ME1: variants seen among roughly 807,000 people sequenced by gnomAD.
The protein encoded by ME1 is malic enzyme 1, also known as NADP-dependent malic enzyme.
ME1 carries 74 observed loss-of-function variants against 66.4 expected under a neutral mutation model. The observed-to-expected ratio is 1.11, with a 90% CI of 0.92 to 1.35. The LOEUF (loss-of-function observed/expected upper bound fraction) is 1.35. ME1 is among the 40% of genes most tolerant of loss of function. ME1 has a pLI of 0.00. For synonymous variants in ME1, 251 were observed against 235.6 expected (o/e 1.07, Z -0.60); for missense variants, 750 against 694.1 (o/e 1.08, Z -0.90).
At chr6:83,306,767 T>C (rs1040529182) in intron 6 of ME1, among the ~76,000 whole-genome samples, 8 of 152,110 alleles carry the variant, frequency 5.3e-5, no homozygotes, top group Non-Finnish European at 1.0e-4. Context: ...AAATATAATA[T>C]GGGATAGTCA....
At chr6:83,313,457 T>C (rs1304191435) in intron 6 of ME1, among the ~76,000 whole-genome samples, 1 of 152,190 alleles carries the variant, frequency 6.6e-6, no homozygotes, top group Admixed American at 6.5e-5. Context: ...TGTTCGTATC[T>C]CATTTTTTCC....
chr6:83,287,615 C>T lies in ME1; in HGVS notation c.704+27695G>A, dbSNP rs1018645795. 4.6e-5 allele frequency among the ~76,000 whole-genome samples: 7 copies of T among 152,120 alleles called. No individual in the cohort carries two copies. The South Asian group carries it at 6.2e-4, about 14-fold the overall frequency. ...TGTGAATAGTGCAGCAATAAACATA[C>T]GTGTGCATGTGTCTTTATCGTAGAA... is the stretch of plus-strand genomic sequence containing the variant. On this transcript the variant is annotated intron_variant, in intron 6 of 13. Transcript: ENST00000369705.
intron 9 of ME1, among the ~76,000 whole-genome samples, chr6:83,229,803 TAAA>T (rs1408393477): frequency 6.6e-6 from 1 of 152,158 alleles, no homozygotes. Flanking sequence ...TTTCTTTCTT[TAAA>T]GGGTATTATC....
Position 83,329,388 on chromosome 6 carries a change from C to T in ME1, c.601-13975G>A, listed in dbSNP as rs141460764. Among the ~76,000 whole-genome samples the T allele has an allele frequency of 7.1e-3, 1,088 of 152,186 alleles. 9 individuals are homozygous for T. Among genetic ancestry groups the T allele is most frequent in the African/African-American group, 0.024 (1,014 of 41,510 alleles). ...CAAAGGAATATATGATGAAAGCTTT[C>T]GTGTCAATAGACAAACATCTGTACT... On this transcript the variant is annotated intron_variant, in intron 5 of 13. Coordinates refer to ENST00000369705, the MANE Select transcript of ME1 (RefSeq NM_002395.6).
intron 3 of ME1, among the ~76,000 whole-genome samples, chr6:83,362,598 G>C (rs947897810): frequency 6.6e-6 from 1 of 152,244 alleles, no homozygotes. Context: ...GCCAGCAGCA[G>C]AGACCAACAC....
chr6:83,264,765 G>A (rs1766958109), intron 6 of ME1, among the ~76,000 whole-genome samples: 2 of 152,198 alleles, frequency 1.3e-5, no homozygotes, highest in Non-Finnish European at 2.9e-5. Context: ...GAATGGCTGA[G>A]GAATTGCTTT....
chr6:83,227,290 A>C, intron 11 of ME1, 45 bp downstream of exon 11: 1 of 1,368,778 alleles, frequency 7.3e-7, no homozygotes, highest in Non-Finnish European at 9.7e-7. Context: ...CCCTATAATG[A>C]ATAAAAATTT....
intron 5 of ME1, among the ~76,000 whole-genome samples, chr6:83,343,903 A>G (rs1475867299): frequency 6.6e-6 from 1 of 152,138 alleles, no homozygotes; most frequent in Non-Finnish European, 1.5e-5. Context: ...TTCATATAAT[A>G]CATATCTATC....
At chr6:83,245,623 G>T (rs1479998613) in intron 7 of ME1, among the ~76,000 whole-genome samples, 1 of 152,122 alleles carries the variant, frequency 6.6e-6, no homozygotes, top group Non-Finnish European at 1.5e-5. Context: ...GGTCAGGCTG[G>T]TCTTGAACTC....
intron 1 of ME1, 94 bp downstream of exon 1, chr6:83,430,783 C>T: frequency 1.8e-6 from 2 of 1,127,666 alleles, no homozygotes; most frequent in South Asian, 1.4e-5. Context: ...AGGGGAGCGG[C>T]GGAGGGGCGA....
At chr6:83,257,712 A>G (rs1451480457) in intron 6 of ME1, among the ~76,000 whole-genome samples, 1 of 152,218 alleles carries the variant, frequency 6.6e-6, no homozygotes, top group Non-Finnish European at 1.5e-5. Context: ...ACATTTTTAT[A>G]ACCTAGCAGA....
chr6:83,281,806 CAAAAAAAAAAAA>C (rs140157932), intron 6 of ME1, among the ~76,000 whole-genome samples: 19 of 13,286 alleles, frequency 1.4e-3, no homozygotes, highest in African/African-American at 2.6e-3. Flanking sequence ...ACTCTGTCTC[CAAAAAAAAAAAA>C]AAAAAAAAAA....
intron 9 of ME1, among the ~76,000 whole-genome samples, chr6:83,234,308 T>G (rs1790356126): frequency 6.6e-6 from 1 of 152,178 alleles, no homozygotes; most frequent in South Asian, 2.1e-4. Flanking sequence ...GCTCCTACTA[T>G]TCCTACTATT....
chr6:83,328,951 T>C (rs768724663), intron 5 of ME1, among the ~76,000 whole-genome samples: 10 of 152,114 alleles, frequency 6.6e-5, no homozygotes, highest in Non-Finnish European at 1.2e-4. Context: ...TTGGTAATTA[T>C]ACTAATGATC....
At chr6:83,230,706 C>T (rs1467764810) in intron 9 of ME1, among the ~76,000 whole-genome samples, 1 of 151,934 alleles carries the variant, frequency 6.6e-6, no homozygotes, top group Non-Finnish European at 1.5e-5. Context: ...CTGAGGCGGG[C>T]GGATCACGAG....
Position 83,315,776 on chromosome 6 carries a change from A to G in ME1, c.601-363T>C, listed in dbSNP as rs182607600. ...GCTGGGTGTGGTGGTGTGCATCTGT[A>G]GTCCCAGCTATTTGGGAGCCTGAAG... On this transcript the variant is annotated intron_variant, in intron 5 of 13. Coordinates refer to ENST00000369705, the MANE Select transcript of ME1 (RefSeq NM_002395.6). Among the ~76,000 whole-genome samples the G allele has an allele frequency of 2.0e-5, 3 of 152,238 alleles. No homozygotes were observed. In the East Asian group the frequency reaches 5.8e-4, roughly 29 times the overall value.
intron 6 of ME1, among the ~76,000 whole-genome samples, chr6:83,298,480 G>T (rs942875744): frequency 6.6e-6 from 1 of 151,956 alleles, no homozygotes; most frequent in Non-Finnish European, 1.5e-5. Context: ...TTCTCAGATG[G>T]ATAGATTGCA....
chr6:83,342,216 T>C (rs1450486673), intron 5 of ME1, among the ~76,000 whole-genome samples: 1 of 152,212 alleles, frequency 6.6e-6, no homozygotes, highest in African/African-American at 2.4e-5. Context: ...AGATTCTGTA[T>C]CCAGGTCCTT....
chr6:83,369,683 G>A, intron 3 of ME1, among the ~76,000 whole-genome samples: 1 of 145,586 alleles, frequency 6.9e-6, no homozygotes, highest in South Asian at 2.2e-4. Context: ...AAGGAAGGAA[G>A]GAAGGAAGGA....
Sources: gnomAD v4.1 joint callset for allele counts (sites outside exome capture counted in the v4.1 genomes callset) on GRCh38, gnomAD v4.1.1 for gene constraint, MANE v1.5 for transcripts, NCBI Gene and HGNC (gene_info 2026-07-23, HGNC 2026-07-21) for gene names.